Variants in RAB30 observed in about 807,000 individuals in gnomAD.
RAB30 encodes RAB30, member RAS oncogene family.
A neutral mutation model predicts 25.1 loss-of-function variants in RAB30; 9 were observed. That is an observed-to-expected ratio of 0.36 (90% CI 0.22 to 0.63). RAB30 has a LOEUF of 0.63. Ranked by LOEUF, RAB30 falls within the 20% of genes least tolerant of loss-of-function variation. The probability of loss-of-function intolerance (pLI) is 0.69; values close to 1 mark genes in which losing one functional copy is unlikely to be tolerated. For missense variants in RAB30, 140 were observed against 243.5 expected (o/e 0.58, Z 2.83); for synonymous variants, 77 against 86.4 (o/e 0.89, Z 0.60).
At chr11:83,002,460 A>G (rs1857106707) in intron 1 of RAB30, among the ~76,000 whole-genome samples, 1 of 152,194 alleles carries the variant, frequency 6.6e-6, no homozygotes, top group African/African-American at 2.4e-5. Flanking sequence ...TATCATTGTC[A>G]CCACAATAGT....
chr11:83,067,794 C>T (rs1448859485), intron 1 of RAB30, among the ~76,000 whole-genome samples: 2 of 151,922 alleles, frequency 1.3e-5, no homozygotes, highest in Non-Finnish European at 2.9e-5. Context: ...GAGTTCGAGA[C>T]CAGCCTGGCC....
At chr11:82,994,379 A>T (rs745943601) in intron 2 of RAB30, among the ~76,000 whole-genome samples, 19 of 152,176 alleles carry the variant, frequency 1.2e-4, no homozygotes, top group Non-Finnish European at 2.6e-4. Context: ...AGAGAAAAGG[A>T]GATAAAGACA....
intron 1 of RAB30, among the ~76,000 whole-genome samples, chr11:83,053,958 CA>C (rs1858406427): frequency 6.6e-6 from 1 of 152,090 alleles, no homozygotes; most frequent in South Asian, 2.1e-4. Flanking sequence ...GGAGTGATAG[CA>C]TATGCCTGTA....
chr11:82,994,114 G>A lies in RAB30; in HGVS notation c.102C>T (p.Phe34=). The change falls in exon 3 of 5, where the codon TTC becomes TTT. Residue 34 remains phenylalanine, a synonymous_variant. Coordinates refer to ENST00000527633, the MANE Select transcript of RAB30 (RefSeq NM_001286060.2). ...CAATTGTGGCTCCTTGACCTGGGGG[G>A]AAAAGACCCTGAAGAAGAAATAATA... ...CLVRRFTQGL[F]PPGQGATIGV... 1.2e-6 allele frequency: 2 copies of A among 1,604,698 alleles called. No individual in the cohort carries two copies. The highest frequency in any genetic ancestry group is 2.2e-5 in the East Asian group (1 of 44,814).
intron 3 of RAB30, among the ~76,000 whole-genome samples, chr11:82,993,758 G>T (rs1856903537): frequency 6.6e-6 from 1 of 152,194 alleles, no homozygotes; most frequent in African/African-American, 2.4e-5. Context: ...GATCCAAAAA[G>T]AAATTTCTTC....
intron 1 of RAB30, among the ~76,000 whole-genome samples, chr11:83,001,224 A>C (rs1364828461): frequency 6.6e-6 from 1 of 152,156 alleles, no homozygotes; most frequent in Non-Finnish European, 1.5e-5. Flanking sequence ...TTTTTGAGAC[A>C]GGATCTTGCT....
At chr11:82,991,309 T>G (rs1856845420) in intron 3 of RAB30, among the ~76,000 whole-genome samples, 1 of 151,888 alleles carries the variant, frequency 6.6e-6, no homozygotes, top group Admixed American at 6.6e-5. Flanking sequence ...GTGATCAACA[T>G]GGCAACATAG....
At position 82,997,277 on chromosome 11, in the gene RAB30, A is replaced by G; in HGVS notation, c.40T>C (p.Leu14=). 1 of 1,612,888 alleles carries G rather than the reference A, an allele frequency of 6.2e-7. No individual in the cohort carries two copies. The highest frequency in any genetic ancestry group is 1.3e-5 in the African/African-American group (1 of 75,006). Residue 14 remains leucine, a synonymous_variant, in exon 2 of 5, where the codon TTA becomes CTA. Coordinates refer to ENST00000527633, the MANE Select transcript of RAB30 (RefSeq NM_001286060.2). ...TTCCCCACACCAGCGTTGCCAATTA[A>G]AACAATTTTGAACAGGAAATCATAA... is the stretch of plus-strand genomic sequence containing the variant. ...EDYDFLFKIV[L]IGNAGVGKTC... is the part of the protein sequence containing the mutation.
At chr11:82,986,042 A>G (rs966634761) in intron 4 of RAB30, among the ~76,000 whole-genome samples, 19 of 152,192 alleles carry the variant, frequency 1.2e-4, no homozygotes, top group African/African-American at 4.6e-4. Flanking sequence ...TCATGAGTCG[A>G]TCAGGGAAAT....
chr11:83,028,772 G>A (rs1192162068), intron 1 of RAB30, among the ~76,000 whole-genome samples: 2 of 152,160 alleles, frequency 1.3e-5, no homozygotes, highest in African/African-American at 4.8e-5. Flanking sequence ...TCCATGCACC[G>A]TTTTATAAGA....
intron 1 of RAB30, among the ~76,000 whole-genome samples, chr11:83,068,342 T>C (rs965881910): frequency 4.2e-4 from 63 of 151,756 alleles, no homozygotes; most frequent in African/African-American, 1.5e-3. Context: ...AAACCCTCTG[T>C]CACCACCCTA....
At chr11:83,063,386 A>T (rs1858626500) in intron 1 of RAB30, among the ~76,000 whole-genome samples, 1 of 152,230 alleles carries the variant, frequency 6.6e-6, no homozygotes, top group South Asian at 2.1e-4. Flanking sequence ...GATGACGTCC[A>T]CATTTTAGTG....
intron 1 of RAB30, among the ~76,000 whole-genome samples, chr11:83,007,187 T>G (rs1857202595): frequency 6.6e-6 from 1 of 152,200 alleles, no homozygotes; most frequent in Non-Finnish European, 1.5e-5. Flanking sequence ...TCAGAGCTGC[T>G]GCCAGGACAA....
rs1423368225 is a variant in RAB30 at position 82,982,122 on chromosome 11, TCAGGG to T, written c.*38_*42del. 1.2e-6 allele frequency: 2 copies of T among 1,611,258 alleles called. No individual in the cohort carries two copies. The highest frequency in any genetic ancestry group is 2.7e-5 in the African/African-American group (2 of 74,856). ...GATCTCCCCAGCATCTCATGGCCCA[TCAGGG>T]CAGTTGCTGATTCCTTTTCTTCTCC... On this transcript the variant is annotated 3_prime_UTR_variant, in exon 5 of 5. Coordinates refer to ENST00000527633, the MANE Select transcript of RAB30 (RefSeq NM_001286060.2).
At chr11:83,053,924 T>C (rs1858405789) in intron 1 of RAB30, among the ~76,000 whole-genome samples, 1 of 152,164 alleles carries the variant, frequency 6.6e-6, no homozygotes, top group Non-Finnish European at 1.5e-5. Context: ...ACCCCGTCTC[T>C]ACTAAAAATA....
chr11:82,998,711 G>GAA (rs112489317), intron 1 of RAB30, among the ~76,000 whole-genome samples: 4 of 138,132 alleles, frequency 2.9e-5, no homozygotes, highest in Admixed American at 1.5e-4. Context: ...GTTAAATAAT[G>GAA]AAAAAAAAAA....
chr11:83,020,659 T>G (rs1009130175), intron 1 of RAB30, among the ~76,000 whole-genome samples: 1 of 152,184 alleles, frequency 6.6e-6, no homozygotes, highest in Non-Finnish European at 1.5e-5. Context: ...GGTGCCTTTT[T>G]CAGCCTGCCC....
intron 3 of RAB30, among the ~76,000 whole-genome samples, chr11:82,990,092 AAT>A (rs10586084): frequency 0.016 from 2,491 of 152,314 alleles, 85 homozygotes; most frequent in African/African-American, 0.058. Flanking sequence ...CATGCCTGTC[AAT>A]ATGTTTTCAA....
At chr11:83,025,708 T>A (rs920287469) in intron 1 of RAB30, among the ~76,000 whole-genome samples, 1 of 152,162 alleles carries the variant, frequency 6.6e-6, no homozygotes, top group African/African-American at 2.4e-5. Flanking sequence ...AAGCAAACAC[T>A]TCTATAATAA....
Sources: gnomAD v4.1 joint callset for allele counts (sites outside exome capture counted in the v4.1 genomes callset) on GRCh38, gnomAD v4.1.1 for gene constraint, MANE v1.5 for transcripts, NCBI Gene and HGNC (gene_info 2026-07-23, HGNC 2026-07-21) for gene names.